Variants in SORL1 observed in about 807,000 individuals in gnomAD.
SORL1 encodes the protein sortilin-related receptor.
Under a neutral mutation model 273.7 loss-of-function variants are expected in SORL1, and 127 were observed. The ratio of observed to expected loss-of-function variants is 0.46; its 90% CI spans 0.40 to 0.54. SORL1 has a LOEUF of 0.54. Among genes scored for constraint, SORL1 ranks in the 20% least tolerant of loss-of-function variants. SORL1 has a pLI of 0.00. For synonymous variants in SORL1, 1,031 were observed against 1,067.4 expected, an observed-to-expected ratio of 0.97 and a Z score of 0.66; for missense variants, 2,494 against 2,846.1, an observed-to-expected ratio of 0.88 and a Z score of 2.81.
intron 16 of SORL1, among the ~76,000 whole-genome samples, chr11:121,553,394 A>G (rs1308278559): frequency 6.6e-6 from 1 of 152,248 alleles, no homozygotes; most frequent in African/African-American, 2.4e-5. Context: ...TAAATAGCCA[A>G]GAACAAATGC....
chr11:121,568,084 A>C (rs1201777425), intron 22 of SORL1, among the ~76,000 whole-genome samples: 2 of 152,112 alleles, frequency 1.3e-5, no homozygotes, highest in African/African-American at 2.4e-5. Flanking sequence ...ACGAGGTCTC[A>C]CTTTGTTGCC....
intron 11 of SORL1, among the ~76,000 whole-genome samples, chr11:121,523,769 C>CT (rs946937989): frequency 1.3e-5 from 2 of 152,146 alleles, no homozygotes; most frequent in African/African-American, 2.4e-5. Flanking sequence ...GGATGAGCAC[C>CT]TTGTCATCGA....
intron 45 of SORL1, 35 bp downstream of exon 45, chr11:121,622,303 A>G (rs1863734910): frequency 8.2e-7 from 1 of 1,212,366 alleles, no homozygotes; most frequent in Non-Finnish European, 1.2e-6. Flanking sequence ...GACTTTGGAA[A>G]TTTAATTGAA....
intron 4 of SORL1, among the ~76,000 whole-genome samples, chr11:121,488,841 C>T (rs1319507186): frequency 1.3e-5 from 2 of 152,216 alleles, no homozygotes; most frequent in South Asian, 2.1e-4. Context: ...ATTGGATTTA[C>T]AGTGAGCCTT....
Position 121,595,486 on chromosome 11 carries a change from A to G in SORL1, c.4370-137A>G, listed in dbSNP as rs1015413346. On this transcript the variant is annotated intron_variant, in intron 31 of 47. Coordinates refer to ENST00000260197, the MANE Select transcript of SORL1 (RefSeq NM_003105.6). This position sits in a 1 kb window ranked among gnomAD's most constrained non-coding sequence, Gnocchi z 5.1. ...GATGTCTGTATCTACTCTGCTCTCT[A>G]TCCGGAACTCGCATTTGTCTTCAGG... 7.8e-6 allele frequency: 6 copies of G among 770,354 alleles called. No homozygotes were observed. In the Admixed American group the frequency reaches 1.2e-4, roughly 15 times the overall value. 47.7% of individuals were successfully genotyped at this position (770,354 alleles called of 1,614,324 possible).
At chr11:121,586,485 T>A (rs1477047881) in intron 27 of SORL1, among the ~76,000 whole-genome samples, 156 bp downstream of exon 27, 2 of 152,098 alleles carry the variant, frequency 1.3e-5, no homozygotes, top group African/African-American at 2.4e-5. Flanking sequence ...TCCTGGAGGC[T>A]GATCGTGGCA....
intron 1 of SORL1, among the ~76,000 whole-genome samples, chr11:121,459,832 G>C (rs1046594584): frequency 3.9e-5 from 6 of 152,176 alleles, no homozygotes; most frequent in Non-Finnish European, 7.3e-5. Context: ...CCTCCAGATT[G>C]GCATGAAGAC....
At chr11:121,491,164 G>A (rs1446900229) in intron 5 of SORL1, among the ~76,000 whole-genome samples, 1 of 152,200 alleles carries the variant, frequency 6.6e-6, no homozygotes, top group East Asian at 1.9e-4. Context: ...TTTGGACAGT[G>A]TATTGGGTGA....
In SORL1 at chr11:121,532,521, A is replaced by G. The variant is rs188600397; in HGVS notation, c.1654A>G (p.Ile552Val). Residue 552 changes from isoleucine to valine, a missense_variant, in exon 12 of 48, where the codon ATT becomes GTT. Ile to Val is a conservative substitution (Grantham distance 29, BLOSUM62 3). Transcript: ENST00000260197. ...WGDHGGIITA[I>V]AQGMETNELK... The stretch of plus-strand genomic sequence containing the variant: ...AGACCACGGCGGAATCATCACGGCC[A>G]TTGCCCAGGGCATGGAAACCAACGA... The G allele has an allele frequency of 8.1e-6, 13 of 1,614,112 alleles. No homozygotes were observed. Among genetic ancestry groups the G allele is most frequent in the Non-Finnish European group, 1.1e-5 (13 of 1,179,986 alleles).
chr11:121,547,720 C>CA (rs1324956162), intron 14 of SORL1, among the ~76,000 whole-genome samples: 2 of 151,986 alleles, frequency 1.3e-5, no homozygotes, highest in Non-Finnish European at 2.9e-5. Flanking sequence ...CCACCCCTCC[C>CA]AATTGTTTCT....
chr11:121,574,848 G>A (rs1330223207), intron 24 of SORL1, among the ~76,000 whole-genome samples: 1 of 152,186 alleles, frequency 6.6e-6, no homozygotes, highest in African/African-American at 2.4e-5. Context: ...ATTTCTGAAT[G>A]AATTCAGGGG....
intron 40 of SORL1, 70 bp downstream of exon 40, chr11:121,612,902 G>C: frequency 9.0e-7 from 1 of 1,108,450 alleles, no homozygotes; most frequent in Non-Finnish European, 1.4e-6. Flanking sequence ...TCCCGCTGTA[G>C]AGCTTGACTG....
At position 121,457,435 on chromosome 11, in the gene SORL1, A is replaced by G. The variant is rs147917386; in HGVS notation, c.285+4819A>G. 5.3e-3 allele frequency among the ~76,000 whole-genome samples: 808 copies of G among 152,296 alleles called. 8 individuals are homozygous for G. The highest frequency in any genetic ancestry group is 0.018 in the African/African-American group (767 of 41,538). On this transcript the variant is annotated intron_variant, in intron 1 of 47. Coordinates refer to ENST00000260197, the MANE Select transcript of SORL1 (RefSeq NM_003105.6). ...TATTTTTGTATATCTTTCCAGAAAC[A>G]GTCTATGCATGTACAACATGTATGT...
At chr11:121,613,290 G>T (rs979039256) in intron 40 of SORL1, among the ~76,000 whole-genome samples, 8 of 152,186 alleles carry the variant, frequency 5.3e-5, no homozygotes, top group African/African-American at 1.9e-4. Context: ...ACAAACTAAG[G>T]GAGGAGTGGT....
chr11:121,468,170 G>A (rs1263221278), intron 1 of SORL1, among the ~76,000 whole-genome samples: 1 of 152,122 alleles, frequency 6.6e-6, no homozygotes, highest in Non-Finnish European at 1.5e-5. Context: ...CTGCCGCAGA[G>A]CCTTGATGAG....
chr11:121,579,031 C>A (rs956380106), intron 25 of SORL1, among the ~76,000 whole-genome samples: 3 of 152,190 alleles, frequency 2.0e-5, no homozygotes, highest in African/African-American at 7.2e-5. Flanking sequence ...TTGTAAATTG[C>A]AGTATGATTG....
chr11:121,459,584 T>C (rs1235016023), intron 1 of SORL1, among the ~76,000 whole-genome samples: 1 of 152,246 alleles, frequency 6.6e-6, no homozygotes, highest in Non-Finnish European at 1.5e-5. Flanking sequence ...CAATGAAGGC[T>C]GGCTATTCAT....
intron 12 of SORL1, among the ~76,000 whole-genome samples, chr11:121,534,153 C>T (rs971115364): frequency 7.9e-5 from 12 of 152,140 alleles, no homozygotes; most frequent in Non-Finnish European, 1.5e-4. Context: ...GTAATACGCA[C>T]GTAGGGGACA....
chr11:121,511,007 G>A (rs538670346), intron 6 of SORL1, among the ~76,000 whole-genome samples: 2 of 152,104 alleles, frequency 1.3e-5, no homozygotes, highest in Non-Finnish European at 2.9e-5. Flanking sequence ...AAAAATCTCA[G>A]AGCCTTACAA....
Sources: allele counts gnomAD v4.1 joint callset (sites outside exome capture counted in the v4.1 genomes callset), GRCh38; gene constraint gnomAD v4.1.1; non-coding constraint Gnocchi (gnomAD v3.1); transcripts MANE v1.5; gene names NCBI Gene and HGNC (gene_info 2026-07-23, HGNC 2026-07-21).